Variants in KAZN observed in about 807,000 individuals in gnomAD.
KAZN encodes the protein kazrin.
Under a neutral mutation model 87.4 loss-of-function variants are expected in KAZN, and 40 were observed. The observed-to-expected ratio is 0.46, with a 90% CI of 0.36 to 0.60. The LOEUF (loss-of-function observed/expected upper bound fraction) is 0.60, where lower values mean the gene tolerates loss of function less well. KAZN is among the 20% of genes least tolerant of loss of function. The pLI, the probability that KAZN is intolerant of heterozygous loss-of-function variation, is 0.00. For missense variants in KAZN, 898 were observed against 1,073.9 expected, an observed-to-expected ratio of 0.84 and a Z score of 2.29; for synonymous variants, 466 against 458.3, an observed-to-expected ratio of 1.02 and a Z score of -0.22.
chr1:14,681,625 A>G (rs1435330155), intron 1 of KAZN, among the ~76,000 whole-genome samples: 113 of 9,438 alleles, frequency 0.012, 1 homozygote, highest in East Asian at 0.02. Flanking sequence ...ATATATATAT[A>G]TATATATATA....
chr1:14,354,090 C>G (rs931048295), intron 2 of KAZN, among the ~76,000 whole-genome samples: 2 of 152,010 alleles, frequency 1.3e-5, no homozygotes, highest in Admixed American at 6.5e-5. Context: ...AATAGATGGA[C>G]ACATATATGG....
intron 1 of KAZN, among the ~76,000 whole-genome samples, chr1:14,657,608 A>T (rs930387404): frequency 6.6e-6 from 1 of 152,120 alleles, no homozygotes; most frequent in African/African-American, 2.4e-5. Context: ...TCTCCCTATC[A>T]TGAGCATTCC....
intron 2 of KAZN, among the ~76,000 whole-genome samples, chr1:14,536,282 G>A (rs1216727415): frequency 6.6e-6 from 1 of 152,200 alleles, no homozygotes; most frequent in Non-Finnish European, 1.5e-5. Context: ...GTTTTTATGA[G>A]TGGGGAAAGA....
intron 2 of KAZN, among the ~76,000 whole-genome samples, chr1:14,317,078 A>G (rs1172216348): frequency 1.3e-5 from 2 of 151,856 alleles, no homozygotes; most frequent in Non-Finnish European, 2.9e-5. Context: ...TGTTTCCTAT[A>G]TATTTACTGA....
chr1:15,032,194 CTT>C (rs573009977), intron 2 of KAZN, among the ~76,000 whole-genome samples: 16 of 70,896 alleles, frequency 2.3e-4, no homozygotes, highest in South Asian at 6.4e-4. Flanking sequence ...TTTTTTTTTT[CTT>C]TTTTTTTTTT....
chr1:14,793,795 A>G (rs1283949046), intron 1 of KAZN, among the ~76,000 whole-genome samples: 1 of 152,132 alleles, frequency 6.6e-6, no homozygotes, highest in Non-Finnish European at 1.5e-5. Flanking sequence ...AGATCAGAAC[A>G]GGGCCTAGTT....
chr1:13,950,909 GA>G (rs1324063828), intron 1 of KAZN, among the ~76,000 whole-genome samples: 1 of 152,154 alleles, frequency 6.6e-6, no homozygotes, highest in African/African-American at 2.4e-5. Flanking sequence ...ACAAAGGAAG[GA>G]ATCGCCTTCC....
chr1:14,197,300 A>G (rs1646546527), intron 2 of KAZN, among the ~76,000 whole-genome samples: 1 of 151,718 alleles, frequency 6.6e-6, no homozygotes, highest in African/African-American at 2.4e-5. Flanking sequence ...AGTGCCTGCC[A>G]TAATGCTCTT....
intron 2 of KAZN, among the ~76,000 whole-genome samples, chr1:14,542,807 G>A (rs963875913): frequency 1.3e-5 from 2 of 152,160 alleles, no homozygotes; most frequent in African/African-American, 4.8e-5. Flanking sequence ...ACTCACCCCG[G>A]GCAAGCGGGG....
intron 1 of KAZN, among the ~76,000 whole-genome samples, chr1:13,947,658 C>T (rs1641196468): frequency 6.6e-6 from 1 of 152,208 alleles, no homozygotes; most frequent in African/African-American, 2.4e-5. Context: ...GGGGCTTAAA[C>T]AACAGAAATT....
At chr1:14,096,195 T>C (rs1644123177) in intron 1 of KAZN, among the ~76,000 whole-genome samples, 1 of 152,190 alleles carries the variant, frequency 6.6e-6, no homozygotes, top group Non-Finnish European at 1.5e-5. Context: ...ATTTACATAA[T>C]TTTTTTAAAA....
At chr1:15,001,870 C>CTTTTT (rs34948148) in intron 2 of KAZN, among the ~76,000 whole-genome samples, 9 of 57,754 alleles carry the variant, frequency 1.6e-4, no homozygotes, top group African/African-American at 3.6e-4. Flanking sequence ...AAGTCAAAAT[C>CTTTTT]TTTTTTTTTT....
intron 1 of KAZN, among the ~76,000 whole-genome samples, chr1:14,162,972 C>CT (rs113803398): frequency 1.5e-4 from 22 of 147,718 alleles, no homozygotes; most frequent in Admixed American, 2.0e-4. Flanking sequence ...TAAATCTTGG[C>CT]TTTTTTTTTT....
intron 2 of KAZN, among the ~76,000 whole-genome samples, chr1:14,283,085 C>A (rs187557991): frequency 6.6e-6 from 1 of 152,178 alleles, no homozygotes; most frequent in Non-Finnish European, 1.5e-5. Context: ...AGCAGTATTA[C>A]CAGAACCTGC....
chr1:14,771,801 G>A (rs1645027276), intron 1 of KAZN, among the ~76,000 whole-genome samples: 1 of 152,076 alleles, frequency 6.6e-6, no homozygotes. Flanking sequence ...ACTCCAGCCT[G>A]GGTGACAGAG....
chr1:14,996,602 C>T lies in KAZN; in HGVS notation c.418+35727C>T, dbSNP rs945001673. 3.3e-5 allele frequency among the ~76,000 whole-genome samples: 5 copies of T among 152,202 alleles called. No individual in the cohort carries two copies. Among genetic ancestry groups the T allele is most frequent in the South Asian group, 2.1e-4 (1 of 4,832 alleles). On this transcript the variant is annotated intron_variant, in intron 2 of 14. Coordinates refer to ENST00000376030, the MANE Select transcript of KAZN (RefSeq NM_201628.3). The surrounding 1 kb of genome is among the most constrained non-coding windows in gnomAD (Gnocchi z 5.9). ...AAGGCTTATGGCAACGCGTTTCTGC[C>T]GCCAGCACCCTCCCACGGGCGTGCA...
At chr1:14,984,825 A>G (rs947393826) in intron 2 of KAZN, among the ~76,000 whole-genome samples, 1 of 152,202 alleles carries the variant, frequency 6.6e-6, no homozygotes, top group African/African-American at 2.4e-5. Context: ...GGGACAATTG[A>G]ACATCCAATA....
intron 1 of KAZN, among the ~76,000 whole-genome samples, chr1:14,941,763 A>G (rs1480599755): frequency 3.3e-5 from 5 of 152,220 alleles, no homozygotes; most frequent in Non-Finnish European, 7.3e-5. Flanking sequence ...GGTTCTGCCC[A>G]TGGTCTTTGC....
chr1:14,398,554 G>C (rs1444471065), intron 2 of KAZN, among the ~76,000 whole-genome samples: 3 of 152,198 alleles, frequency 2.0e-5, no homozygotes, highest in Non-Finnish European at 4.4e-5. Context: ...AGGTGAGGTT[G>C]GTTGATGCCC....
Sources: allele counts gnomAD v4.1 joint callset (sites outside exome capture counted in the v4.1 genomes callset), GRCh38; gene constraint gnomAD v4.1.1; non-coding constraint Gnocchi (gnomAD v3.1); transcripts MANE v1.5; gene names NCBI Gene and HGNC (gene_info 2026-07-23, HGNC 2026-07-21).